The following IGSF10 variants were observed in gnomAD, a reference collection of about 807,000 sequenced individuals.
IGSF10 encodes calvaria mechanical force protein 608.
In IGSF10, 126 loss-of-function variants were observed where a neutral mutation model predicts 128.2. That is an observed-to-expected ratio of 0.98 (90% CI 0.85 to 1.14). IGSF10 has a LOEUF of 1.14. Among genes scored for constraint, IGSF10 ranks in the 50% most tolerant of loss-of-function variants. The pLI is 0.00. For missense variants in IGSF10, 3,295 were observed against 3,149.8 expected, an observed-to-expected ratio of 1.05 and a Z score of -1.10; for synonymous variants, 1,185 against 1,146.2, an observed-to-expected ratio of 1.03 and a Z score of -0.68.
At chr3:151,530,820 A>G in the IGSF10 span, among the ~76,000 whole-genome samples, 1 of 152,182 alleles carries the variant, frequency 6.6e-6, no homozygotes, top group East Asian at 1.9e-4. Flanking sequence ...CGGGCAAAAT[A>G]ACCAGCTAGC....
intron 2 of IGSF10, 85 bp from the exon 3 acceptor site, chr3:151,458,795 A>G: frequency 8.5e-7 from 1 of 1,171,988 alleles, no homozygotes; most frequent in African/African-American, 1.5e-5. Context: ...GGAATCTGGG[A>G]GACCTTCTTT....
the IGSF10 span, among the ~76,000 whole-genome samples, chr3:151,480,296 C>T: frequency 1.6e-4 from 25 of 152,194 alleles, no homozygotes; most frequent in African/African-American, 5.8e-4. Flanking sequence ...CTTTCCCTCA[C>T]TACCTCCATC....
chr3:151,490,762 A>T, the IGSF10 span, among the ~76,000 whole-genome samples: 1 of 152,168 alleles, frequency 6.6e-6, no homozygotes, highest in Admixed American at 6.5e-5. Context: ...ATTAAACAAC[A>T]TGCTCCTGAA....
the IGSF10 span, among the ~76,000 whole-genome samples, chr3:151,477,842 A>C: frequency 6.6e-6 from 1 of 152,266 alleles, no homozygotes; most frequent in Non-Finnish European, 1.5e-5. Flanking sequence ...CACAAGTCCC[A>C]ACTCTGCTTT....
chr3:151,553,973 C>A, the IGSF10 span, among the ~76,000 whole-genome samples: 8 of 147,358 alleles, frequency 5.4e-5, no homozygotes, highest in East Asian at 4.0e-4. Context: ...ATAACAACAA[C>A]AAAAAAAAAA....
intron 7 of IGSF10, among the ~76,000 whole-genome samples, chr3:151,441,544 A>T (rs141131898): frequency 6.6e-6 from 1 of 152,040 alleles, no homozygotes. Context: ...AAAATCTTCA[A>T]CTCCTAAGCA....
the IGSF10 span, among the ~76,000 whole-genome samples, chr3:151,599,222 C>G: frequency 2.6e-5 from 4 of 151,538 alleles, no homozygotes; most frequent in Admixed American, 1.3e-4. Flanking sequence ...AGAAGTTGTT[C>G]AGAGTTGTTA....
At chr3:151,569,918 G>A in the IGSF10 span, among the ~76,000 whole-genome samples, 5 of 128,072 alleles carry the variant, frequency 3.9e-5, no homozygotes, top group African/African-American at 1.5e-4. Context: ...AGTGTGTCAC[G>A]TTCCCCTCCC....
the IGSF10 span, among the ~76,000 whole-genome samples, chr3:151,600,363 A>C: frequency 6.6e-6 from 1 of 152,094 alleles, no homozygotes; most frequent in Non-Finnish European, 1.5e-5. Context: ...TCCAGAGGCA[A>C]ATTATTTTGC....
the IGSF10 span, among the ~76,000 whole-genome samples, chr3:151,602,321 C>T: frequency 6.6e-6 from 1 of 152,124 alleles, no homozygotes; most frequent in Admixed American, 6.5e-5. Flanking sequence ...TACTTTCATG[C>T]TCACGCAAAA....
At chr3:151,599,312 C>G in the IGSF10 span, among the ~76,000 whole-genome samples, 1 of 152,146 alleles carries the variant, frequency 6.6e-6, no homozygotes, top group African/African-American at 2.4e-5. Context: ...GATAGGCCAG[C>G]ACCACACTAG....
intron 5 of IGSF10, 21 bp downstream of exon 5, chr3:151,453,363 A>T: frequency 6.5e-7 from 1 of 1,539,368 alleles, no homozygotes. Flanking sequence ...ATTGGGACAA[A>T]AAAATAAACA....
chr3:151,548,673 A>G, the IGSF10 span, among the ~76,000 whole-genome samples: 1 of 152,144 alleles, frequency 6.6e-6, no homozygotes, highest in Non-Finnish European at 1.5e-5. Context: ...GAAAATATTC[A>G]TATCTTTCAG....
chr3:151,505,090 AC>A, the IGSF10 span, among the ~76,000 whole-genome samples: 1 of 151,436 alleles, frequency 6.6e-6, no homozygotes, highest in Non-Finnish European at 1.5e-5. Flanking sequence ...CTATAGTAGC[AC>A]CCCACTCTCT....
rs766937864 is a variant in IGSF10, at chr3:151,453,538, A to C, written c.561T>G (p.Ile187Met). ...AGTTATCAGACAAGTATAGGAACTT[A>C]ATGAAAGAGATTTTAAATATCTGGA... ...SYLQIFKISF[I>M]KFLYLSDNFL... is the part of the protein sequence containing the mutation. The change falls in exon 5 of 8, where the codon ATT (isoleucine) becomes ATG (methionine). Residue 187 changes from isoleucine to methionine, a missense_variant. By Grantham distance (10) the Ile-to-Met change is conservative (BLOSUM62 1). Coordinates refer to ENST00000282466, the MANE Select transcript of IGSF10 (RefSeq NM_178822.5). The C allele has an allele frequency of 6.2e-7, 1 of 1,614,078 alleles. No homozygotes were observed. The highest frequency in any genetic ancestry group is 8.5e-7 in the Non-Finnish European group (1 of 1,179,944).
the IGSF10 span, among the ~76,000 whole-genome samples, chr3:151,616,990 G>C: frequency 6.6e-6 from 1 of 152,208 alleles, no homozygotes; most frequent in African/African-American, 2.4e-5. Context: ...GCTGCCTGAA[G>C]CCTTTAGGGC....
the IGSF10 span, among the ~76,000 whole-genome samples, chr3:151,501,315 A>T: frequency 6.6e-6 from 1 of 152,040 alleles, no homozygotes; most frequent in African/African-American, 2.4e-5. Context: ...GGAACAAGTT[A>T]TTAGTTTCTA....
chr3:151,576,466 C>A, the IGSF10 span, among the ~76,000 whole-genome samples: 15 of 152,170 alleles, frequency 9.9e-5, no homozygotes, highest in East Asian at 2.3e-3. Context: ...GCTTTGCAAG[C>A]CAATCTGAAT....
the IGSF10 span, among the ~76,000 whole-genome samples, chr3:151,553,584 A>T: frequency 2.0e-5 from 3 of 151,212 alleles, no homozygotes; most frequent in Admixed American, 6.6e-5. Context: ...CATGACTTCC[A>T]CTTTCTTTCA....
Sources: allele counts gnomAD v4.1 joint callset (sites outside exome capture counted in the v4.1 genomes callset), GRCh38; gene constraint gnomAD v4.1.1; transcripts MANE v1.5; gene names NCBI Gene and HGNC (gene_info 2026-07-23, HGNC 2026-07-21).